ADAMTS2: variants seen among roughly 807,000 people sequenced by gnomAD.
ADAMTS2 encodes the protein A disintegrin and metalloproteinase with thrombospondin motifs 2.
Under a neutral mutation model 123.0 loss-of-function variants are expected in ADAMTS2, and 50 were observed. The ratio of observed to expected loss-of-function variants is 0.41; its 90% confidence interval spans 0.32 to 0.51. The LOEUF is 0.51. ADAMTS2 is among the 20% of genes least tolerant of loss of function. The pLI, the probability that ADAMTS2 is intolerant of heterozygous loss-of-function variation, is 0.35. For synonymous variants in ADAMTS2, 678 were observed against 695.4 expected, an observed-to-expected ratio of 0.98 and a Z score of 0.39; for missense variants, 1,494 against 1,705.2, an observed-to-expected ratio of 0.88 and a Z score of 2.18.
rs904960011 is a variant in ADAMTS2 at position 179,189,711 on chromosome 5, C to T, written c.892-8556G>A. Among the ~76,000 whole-genome samples, 25 of 147,006 alleles carry T rather than the reference C, an allele frequency of 1.7e-4. No homozygotes were observed. The highest frequency in any genetic ancestry group is 5.3e-4 in the African/African-American group (21 of 39,460). Reference sequence around the variant, plus strand: ...ATTTTACAAAGTACATTCTCAAGGGCGGAAGAATATTACAAAATATCTTCT... The same window carrying T: ...ATTTTACAAAGTACATTCTCAAGGGTGGAAGAATATTACAAAATATCTTCT... On this transcript the variant is annotated intron_variant, in intron 4 of 21. Coordinates refer to ENST00000251582, the MANE Select transcript of ADAMTS2 (RefSeq NM_014244.5). This position sits in a 1 kb window ranked among gnomAD's most constrained non-coding sequence, Gnocchi z 4.2.
chr5:179,276,205 C>G (rs143030024), intron 2 of ADAMTS2, among the ~76,000 whole-genome samples: 2 of 152,130 alleles, frequency 1.3e-5, no homozygotes, highest in African/African-American at 4.8e-5. Flanking sequence ...AGGGAGGCAC[C>G]GAGCAGGCAG....
intron 3 of ADAMTS2, among the ~76,000 whole-genome samples, chr5:179,209,153 C>T (rs939087456): frequency 1.3e-5 from 2 of 152,166 alleles, no homozygotes; most frequent in Admixed American, 6.5e-5. Context: ...GCCCTCATCC[C>T]GGCACACGCT....
chr5:179,281,002 T>C (rs999247400), intron 2 of ADAMTS2, among the ~76,000 whole-genome samples: 17 of 152,206 alleles, frequency 1.1e-4, no homozygotes, highest in African/African-American at 2.9e-4. Flanking sequence ...GGATTACTGG[T>C]ACACACCACC....
At chr5:179,291,705 T>G (rs1756194630) in intron 2 of ADAMTS2, among the ~76,000 whole-genome samples, 1 of 152,092 alleles carries the variant, frequency 6.6e-6, no homozygotes, top group South Asian at 2.1e-4. Context: ...GTGTGGTTCT[T>G]CCCTTCGCTA....
chr5:179,203,700 GA>G (rs927815187), intron 4 of ADAMTS2, among the ~76,000 whole-genome samples: 1 of 151,604 alleles, frequency 6.6e-6, no homozygotes. Context: ...CCGTAAAAAA[GA>G]AAAAAAAGAC....
chr5:179,238,370 C>T (rs540366451), intron 3 of ADAMTS2, among the ~76,000 whole-genome samples: 50 of 152,252 alleles, frequency 3.3e-4, no homozygotes, highest in African/African-American at 1.2e-3. Context: ...CAGCTCCCTG[C>T]TCTGTGGAGC....
intron 5 of ADAMTS2, among the ~76,000 whole-genome samples, chr5:179,169,052 G>A (rs937808783): frequency 6.6e-6 from 1 of 152,242 alleles, no homozygotes; most frequent in African/African-American, 2.4e-5. Flanking sequence ...CTGTGGGGAG[G>A]CAGAAGAGGG....
At chr5:179,153,061 C>T (rs370663281) in intron 9 of ADAMTS2, among the ~76,000 whole-genome samples, 7 of 152,364 alleles carry the variant, frequency 4.6e-5, no homozygotes, top group African/African-American at 1.7e-4. Flanking sequence ...AGCCCTGGCA[C>T]TTGGCCCTGG....
At chr5:179,119,624 CT>C (rs1338261126) in intron 21 of ADAMTS2, among the ~76,000 whole-genome samples, 1 of 152,198 alleles carries the variant, frequency 6.6e-6, no homozygotes, top group Admixed American at 6.5e-5. Flanking sequence ...TGCCCTGCCC[CT>C]CTCCCGACCC....
intron 3 of ADAMTS2, among the ~76,000 whole-genome samples, chr5:179,221,684 C>T (rs531703465): frequency 6.6e-6 from 1 of 152,264 alleles, no homozygotes; most frequent in African/African-American, 2.4e-5. Context: ...TGTGGGCGGG[C>T]AGCAGCCAGG....
chr5:179,211,506 A>T (rs1324668172), intron 3 of ADAMTS2, among the ~76,000 whole-genome samples: 1 of 152,200 alleles, frequency 6.6e-6, no homozygotes, highest in Non-Finnish European at 1.5e-5. Context: ...CCCTGTGCTC[A>T]GGGCCCCTTT....
chr5:179,318,377 G>A (rs928258189), intron 2 of ADAMTS2, among the ~76,000 whole-genome samples: 5 of 151,982 alleles, frequency 3.3e-5, no homozygotes, highest in African/African-American at 1.2e-4. Flanking sequence ...AGGGAGGAGA[G>A]GCGGGGCCAG....
rs1764042321 is a variant in ADAMTS2, at chr5:179,181,295, G to A, written c.892-140C>T. On this transcript the variant is annotated intron_variant, in intron 4 of 21. Transcript: ENST00000251582. This position sits in a 1 kb window ranked among gnomAD's most constrained non-coding sequence, Gnocchi z 4.1. ...GTCACCATCAACTAGGAGCCACCTTGTGACCCCTCCCTCATTGCCCCCTGC... is the reference window on the plus strand; with the variant it reads ...GTCACCATCAACTAGGAGCCACCTTATGACCCCTCCCTCATTGCCCCCTGC... 1 of 708,680 alleles carries A rather than the reference G, an allele frequency of 1.4e-6. No individual in the cohort carries two copies. The highest frequency in any genetic ancestry group is 2.6e-6 in the Non-Finnish European group (1 of 391,996). 43.9% of individuals were successfully genotyped at this position (708,680 alleles called of 1,614,324 possible).
At position 179,125,044 on chromosome 5, in the gene ADAMTS2, G is replaced by A. The variant is rs746601737; in HGVS notation, c.2887C>T (p.Arg963Trp). 1.3e-5 allele frequency: 21 copies of A among 1,608,570 alleles called. No individual in the cohort carries two copies. The highest frequency in any genetic ancestry group is 2.7e-5 in the African/African-American group (2 of 74,628). ...CTGCAGGCCCGGCGGCTCTCGGGCC[G>A]GGCGTCATTGCAGTGCTTGGCGTGC... is the stretch of plus-strand genomic sequence containing the variant. ...SVHAKHCNDA[R>W]PESRRACSRE... Residue 963 changes from arginine to tryptophan, a missense_variant, in exon 19 of 22, where the codon CGG becomes TGG. Transcript: ENST00000251582.
rs540952724 is a variant in ADAMTS2, at chr5:179,188,737, C to T, written c.892-7582G>A. Among the ~76,000 whole-genome samples, 18 of 152,262 alleles carry T rather than the reference C, an allele frequency of 1.2e-4. No individual in the cohort carries two copies. The South Asian group carries it at 1.9e-3, about 16-fold the overall frequency. On this transcript the variant is annotated intron_variant, in intron 4 of 21. Coordinates refer to ENST00000251582, the MANE Select transcript of ADAMTS2 (RefSeq NM_014244.5). This position sits in a 1 kb window ranked among gnomAD's most constrained non-coding sequence, Gnocchi z 5.1. ...GGCCACCCCCTCACTCCTCAGGCGACGTCTCCTGTGCCTGTCCACACTCTG... is the reference window on the plus strand; with the variant it reads ...GGCCACCCCCTCACTCCTCAGGCGATGTCTCCTGTGCCTGTCCACACTCTG...
In ADAMTS2 at chr5:179,181,738, G is replaced by A. The variant is rs774243701; in HGVS notation, c.892-583C>T. 2.6e-5 allele frequency among the ~76,000 whole-genome samples: 4 copies of A among 152,096 alleles called. No individual in the cohort carries two copies. Among genetic ancestry groups the A allele is most frequent in the African/African-American group, 4.8e-5 (2 of 41,410 alleles). On this transcript the variant is annotated intron_variant, in intron 4 of 21. Coordinates refer to ENST00000251582, the MANE Select transcript of ADAMTS2 (RefSeq NM_014244.5). The surrounding 1 kb of genome is among the most constrained non-coding windows in gnomAD (Gnocchi z 4.1). ...TTTGATGGCTGGAGCTCCTGCAGTC[G>A]CCGTCTCTGTATTTATCACAATCAT...
At chr5:179,273,103 C>A (rs1766591875) in intron 2 of ADAMTS2, 39 bp from the exon 3 acceptor site, 2 of 1,612,998 alleles carry the variant, frequency 1.2e-6, no homozygotes, top group African/African-American at 2.7e-5. Context: ...TTCCAGCACA[C>A]AAAAGACCAA....
rs1214661588 is a variant in ADAMTS2, at chr5:179,125,500, C to T, written c.2751-320G>A. Among the ~76,000 whole-genome samples, 5 of 152,168 alleles carry T rather than the reference C, an allele frequency of 3.3e-5. No individual in the cohort carries two copies. In the East Asian group the frequency reaches 9.7e-4, roughly 29 times the overall value. On this transcript the variant is annotated intron_variant, in intron 18 of 21. Transcript: ENST00000251582. Reference sequence around the variant, plus strand: ...TTTCCCAGCCTCCTTAGGGTCTGGGCCCTGCTACCTGGCCTCACCTTCTGC... The same window carrying T: ...TTTCCCAGCCTCCTTAGGGTCTGGGTCCTGCTACCTGGCCTCACCTTCTGC...
Position 179,132,654 on chromosome 5 carries a change from C to T in ADAMTS2, c.2209+123G>A. 1 of 1,383,580 alleles carries T rather than the reference C, an allele frequency of 7.2e-7. No homozygotes were observed. The highest frequency in any genetic ancestry group is 1.2e-5 in the South Asian group (1 of 85,230). 85.7% of individuals were successfully genotyped at this position (1,383,580 alleles called of 1,614,324 possible). ...CCCTCCCCCTCAGTGTCACAGACCT[C>T]TCCCCCTCCCCAGAACAGTCATAAG... On this transcript the variant is annotated intron_variant, in intron 14 of 21. Transcript: ENST00000251582. The surrounding 1 kb of genome is among the most constrained non-coding windows in gnomAD (Gnocchi z 6.1).
Sources: gnomAD v4.1 joint callset for allele counts (sites outside exome capture counted in the v4.1 genomes callset) on GRCh38, gnomAD v4.1.1 for gene constraint, Gnocchi (gnomAD v3.1) non-coding constraint, MANE v1.5 for transcripts, NCBI Gene and HGNC (gene_info 2026-07-23, HGNC 2026-07-21) for gene names.